The following SPATA18 variants were observed in gnomAD, a reference collection of about 807,000 sequenced individuals.
SPATA18 encodes the protein spermatogenesis associated 18.
Under a neutral mutation model 68.1 loss-of-function variants are expected in SPATA18, and 54 were observed. The observed-to-expected ratio is 0.79, with a 90% CI of 0.64 to 0.99. SPATA18 has a LOEUF of 0.99. SPATA18 is among the 50% of genes least tolerant of loss of function. The pLI, the probability that SPATA18 is intolerant of heterozygous loss-of-function variation, is 0.00. For synonymous variants in SPATA18, 242 were observed against 244.8 expected, an observed-to-expected ratio of 0.99 and a Z score of 0.11; for missense variants, 724 against 681.1, an observed-to-expected ratio of 1.06 and a Z score of -0.70.
intron 4 of SPATA18, 109 bp downstream of exon 4, chr4:52,062,441 A>G (rs1310708883): frequency 1.4e-6 from 1 of 705,840 alleles, no homozygotes; most frequent in Non-Finnish European, 2.5e-6. Context: ...GCATTTGCAA[A>G]TAAGTAATAT....
chr4:52,094,962 G>C lies in SPATA18; in HGVS notation c.*75G>C. ...TCCAGTGCCGCCATCTGTCTTCTGT[G>C]TCTGCCTCAGACCTCACTTAAGATA... On this transcript the variant is annotated 3_prime_UTR_variant, in exon 13 of 13. Transcript: ENST00000295213. 6.4e-7 allele frequency: 1 copy of C among 1,556,340 alleles called. No individual in the cohort carries two copies. The highest frequency in any genetic ancestry group is 8.9e-7 in the Non-Finnish European group (1 of 1,127,552).
intron 5 of SPATA18, among the ~76,000 whole-genome samples, chr4:52,070,476 C>T (rs1247255905): frequency 6.9e-6 from 1 of 145,588 alleles, no homozygotes; most frequent in Non-Finnish European, 1.5e-5. Context: ...GGAAAATAAA[C>T]ATTGATCTTT....
chr4:52,082,668 C>A (rs35414474), intron 10 of SPATA18, 158 bp downstream of exon 10: 5 of 1,500,716 alleles, frequency 3.3e-6, no homozygotes, highest in Non-Finnish European at 2.7e-6. Flanking sequence ...AGAACTGATT[C>A]TTTTCTTTGA....
At position 52,095,209 on chromosome 4, in the gene SPATA18, T is replaced by C. The variant is rs1421120088; in HGVS notation, c.*322T>C. ...CATCTCAAAACACTACGCTCTTTTA[T>C]GGGAACTGTGTGAACTGAAGTGGAA... is the stretch of plus-strand genomic sequence containing the variant. On this transcript the variant is annotated 3_prime_UTR_variant, in exon 13 of 13. Transcript: ENST00000295213. 7 of 395,428 alleles carry C rather than the reference T, an allele frequency of 1.8e-5. No individual in the cohort carries two copies. Among genetic ancestry groups the C allele is most frequent in the Non-Finnish European group, 3.2e-5 (7 of 221,914 alleles). 24.5% of individuals were successfully genotyped at this position (395,428 alleles called of 1,614,324 possible).
At chr4:52,069,642 C>T (rs1739621964) in intron 4 of SPATA18, among the ~76,000 whole-genome samples, 179 bp from the exon 5 acceptor site, 1 of 152,132 alleles carries the variant, frequency 6.6e-6, no homozygotes, top group Non-Finnish European at 1.5e-5. Context: ...CATGTTTTAG[C>T]ATACAAGTCC....
chr4:52,095,126 T>G lies in SPATA18; in HGVS notation c.*239T>G, dbSNP rs1560617266. 1 of 559,858 alleles carries G rather than the reference T, an allele frequency of 1.8e-6. No homozygotes were observed. The highest frequency in any genetic ancestry group is 3.1e-6 in the Non-Finnish European group (1 of 318,682). 34.7% of individuals were successfully genotyped at this position (559,858 alleles called of 1,614,324 possible). A position where few individuals can be genotyped will look rare whatever the true frequency, so the allele number is the denominator to read the frequency against. On this transcript the variant is annotated 3_prime_UTR_variant, in exon 13 of 13. Coordinates refer to ENST00000295213, the MANE Select transcript of SPATA18 (RefSeq NM_145263.4). ...CATTAATTTCATAAAAATGATTGTA[T>G]AGGCATTTAGGATCATATTCATTCG...
At chr4:52,064,365 T>G (rs2109431036) in intron 4 of SPATA18, among the ~76,000 whole-genome samples, 2 of 152,310 alleles carry the variant, frequency 1.3e-5, no homozygotes, top group South Asian at 4.1e-4. Context: ...GAGATTTTGG[T>G]GCACCTGTCA....
At chr4:52,053,612 C>A (rs1189037138) in intron 1 of SPATA18, among the ~76,000 whole-genome samples, 1 of 152,272 alleles carries the variant, frequency 6.6e-6, no homozygotes, top group South Asian at 2.1e-4. Flanking sequence ...TGCTCAAAGT[C>A]AAATCTGTCC....
chr4:52,074,669 T>G (rs1740167073), intron 6 of SPATA18, among the ~76,000 whole-genome samples: 1 of 152,168 alleles, frequency 6.6e-6, no homozygotes, highest in Non-Finnish European at 1.5e-5. Flanking sequence ...AGTTTTGTTG[T>G]AAGAGCCTCA....
intron 4 of SPATA18, among the ~76,000 whole-genome samples, chr4:52,066,381 A>G (rs1739315672): frequency 1.3e-5 from 2 of 152,030 alleles, no homozygotes; most frequent in Admixed American, 1.3e-4. Flanking sequence ...CGATCTCCTG[A>G]CCTCATGATC....
chr4:52,091,305 A>C (rs532372648), intron 11 of SPATA18, among the ~76,000 whole-genome samples: 2 of 152,226 alleles, frequency 1.3e-5, no homozygotes, highest in East Asian at 3.9e-4. Flanking sequence ...CATCAAACTC[A>C]TTCTCCATCC....
At chr4:52,089,479 G>A (rs1351586507) in intron 11 of SPATA18, among the ~76,000 whole-genome samples, 1 of 151,956 alleles carries the variant, frequency 6.6e-6, no homozygotes, top group Non-Finnish European at 1.5e-5. Flanking sequence ...ATTCTGGTAA[G>A]TTGTCTTCGT....
intron 3 of SPATA18, among the ~76,000 whole-genome samples, chr4:52,061,830 G>T (rs1182990821): frequency 6.6e-6 from 1 of 152,074 alleles, no homozygotes; most frequent in Admixed American, 6.6e-5. Context: ...AGAATTTATG[G>T]ACGCTTCTCA....
At chr4:52,062,438 C>T in intron 4 of SPATA18, 106 bp downstream of exon 4, 2 of 721,460 alleles carry the variant, frequency 2.8e-6, no homozygotes, top group Non-Finnish European at 4.8e-6. Flanking sequence ...TGGGCATTTG[C>T]AAATAAGTAA....
chr4:52,092,674 C>T (rs1362219331), intron 11 of SPATA18, among the ~76,000 whole-genome samples: 1 of 152,184 alleles, frequency 6.6e-6, no homozygotes, highest in Non-Finnish European at 1.5e-5. Context: ...AATCTACTCC[C>T]CCTTACGGAC....
chr4:52,068,616 T>C (rs1578165989), intron 4 of SPATA18, among the ~76,000 whole-genome samples: 2 of 152,194 alleles, frequency 1.3e-5, no homozygotes, highest in African/African-American at 4.8e-5. Context: ...GTTAGCACAT[T>C]ATTTCTTAGG....
chr4:52,069,222 T>A (rs1258424721), intron 4 of SPATA18, among the ~76,000 whole-genome samples: 1 of 152,182 alleles, frequency 6.6e-6, no homozygotes, highest in Non-Finnish European at 1.5e-5. Flanking sequence ...TTATGATTTG[T>A]CTACCATGAA....
intron 7 of SPATA18, 182 bp from the exon 8 acceptor site, chr4:52,078,553 T>C: frequency 2.0e-6 from 1 of 505,198 alleles, no homozygotes; most frequent in Non-Finnish European, 3.5e-6. Context: ...TTATTATATG[T>C]TTATGTACTT....
chr4:52,071,659 G>A (rs1578171431), intron 5 of SPATA18, among the ~76,000 whole-genome samples: 2 of 152,114 alleles, frequency 1.3e-5, no homozygotes, highest in Admixed American at 1.3e-4. Context: ...TAGAGGATCT[G>A]CATGAGTGTC....
Sources: gnomAD v4.1 joint callset for allele counts (sites outside exome capture counted in the v4.1 genomes callset) on GRCh38, gnomAD v4.1.1 for gene constraint, MANE v1.5 for transcripts, NCBI Gene and HGNC (gene_info 2026-07-23, HGNC 2026-07-21) for gene names.